Variants in DNAJA3 observed in about 807,000 individuals in gnomAD.
DNAJA3 encodes dnaJ homolog subfamily A member 3, mitochondrial.
A neutral mutation model predicts 54.9 loss-of-function variants in DNAJA3; 29 were observed. That is an observed-to-expected ratio of 0.53 (90% confidence interval 0.39 to 0.72). The LOEUF is 0.72. Ranked by LOEUF, DNAJA3 falls within the 30% of genes least tolerant of loss-of-function variation. The probability of loss-of-function intolerance (pLI) is 0.00; values close to 1 mark genes in which losing one functional copy is unlikely to be tolerated. For missense variants in DNAJA3, 708 were observed against 639.4 expected (o/e 1.11, Z -1.16); for synonymous variants, 302 against 251.4 (o/e 1.20, Z -1.90).
chr16:4,448,951 G>A (rs2056941826), intron 9 of DNAJA3, 103 bp downstream of exon 9: 2 of 786,650 alleles, frequency 2.5e-6, no homozygotes, highest in Non-Finnish European at 4.3e-6. Context: ...TAAGTCAGGT[G>A]GTTCCTGCCC....
intron 1 of DNAJA3, among the ~76,000 whole-genome samples, chr16:4,429,720 G>A (rs1274383587): frequency 6.6e-6 from 1 of 152,124 alleles, no homozygotes; most frequent in African/African-American, 2.4e-5. Flanking sequence ...TGTAAACCCG[G>A]GTACTCGGGA....
Position 4,454,841 on chromosome 16 carries a change from G to T in DNAJA3, c.1370G>T (p.Ser457Ile), listed in dbSNP as rs767656906. ...AGCACCATGGATAGCTCCGCAGGAA[G>T]CAAGGCTAGGCGTGAGGCTGGGGAG... Reference protein sequence around the residue: ...GGSTMDSSAGSKARREAGEDE... With the variant: ...GGSTMDSSAGIKARREAGEDE... The change falls in exon 11 of 12, where the codon AGC becomes ATC. Residue 457 changes from serine (S) to isoleucine (I), a missense_variant. Coordinates refer to ENST00000262375, the MANE Select transcript of DNAJA3 (RefSeq NM_005147.6). 7.4e-6 allele frequency: 12 copies of T among 1,614,072 alleles called. No homozygotes were observed. The South Asian group carries it at 1.1e-4, about 15-fold the overall frequency.
At chr16:4,443,933 G>A (rs557985709) in intron 6 of DNAJA3, among the ~76,000 whole-genome samples, 2 of 152,164 alleles carry the variant, frequency 1.3e-5, no homozygotes, top group Non-Finnish European at 1.5e-5. Context: ...TGATCCACCC[G>A]CCTCGGCTTC....
chr16:4,438,796 G>A (rs2056804673), intron 3 of DNAJA3, among the ~76,000 whole-genome samples: 1 of 151,854 alleles, frequency 6.6e-6, no homozygotes, highest in African/African-American at 2.4e-5. Context: ...CATCCTAAAG[G>A]GGTTCAGTAT....
At chr16:4,452,374 G>A (rs1479691274) in intron 10 of DNAJA3, among the ~76,000 whole-genome samples, 4 of 152,014 alleles carry the variant, frequency 2.6e-5, no homozygotes, top group Non-Finnish European at 4.4e-5. Flanking sequence ...TGCTACGGCC[G>A]GGCCCTGGGT....
At position 4,426,336 on chromosome 16, in the gene DNAJA3, T is replaced by C. The variant is rs141440927; in HGVS notation, c.211+244T>C. On this transcript the variant is annotated intron_variant, in intron 1 of 11. Transcript: ENST00000262375. Reference sequence around the variant, plus strand: ...TGAAACGCCCCGTAGATCGTGAACCTTCACCTCTCTGTCAACATTTCTGGA... The same window carrying C: ...TGAAACGCCCCGTAGATCGTGAACCCTCACCTCTCTGTCAACATTTCTGGA... 4.5e-3 allele frequency among the ~76,000 whole-genome samples: 679 copies of C among 152,310 alleles called. 4 individuals carry two copies. The highest frequency in any genetic ancestry group is 7.9e-3 in the Non-Finnish European group (534 of 68,018).
At chr16:4,444,833 G>A (rs937884912) in intron 7 of DNAJA3, 105 bp downstream of exon 7, 12 of 1,069,630 alleles carry the variant, frequency 1.1e-5, no homozygotes, top group East Asian at 2.6e-5. Flanking sequence ...AACATGTCTC[G>A]CCATTCATGT....
At chr16:4,452,170 T>C (rs1347966562) in intron 10 of DNAJA3, among the ~76,000 whole-genome samples, 4 of 152,192 alleles carry the variant, frequency 2.6e-5, no homozygotes, top group Non-Finnish European at 4.4e-5. Context: ...ACTGTGTATA[T>C]GTATACTATC....
intron 4 of DNAJA3, 102 bp from the exon 5 acceptor site, chr16:4,442,166 T>C: frequency 8.1e-7 from 1 of 1,234,976 alleles, no homozygotes; most frequent in South Asian, 1.8e-5. Context: ...GGTGAAAGAG[T>C]GACTGAAAAT....
chr16:4,434,862 G>A (rs963863703), intron 2 of DNAJA3, among the ~76,000 whole-genome samples: 5 of 144,854 alleles, frequency 3.5e-5, no homozygotes, highest in African/African-American at 1.3e-4. Context: ...AAGTTTAGAG[G>A]TTTAGAATTA....
Position 4,428,521 on chromosome 16 carries a change from G to A in DNAJA3, c.211+2429G>A, listed in dbSNP as rs74752284. Among the ~76,000 whole-genome samples the A allele has an allele frequency of 3.4e-3, 519 of 152,280 alleles. 2 individuals carry two copies. The highest frequency in any genetic ancestry group is 0.012 in the African/African-American group (495 of 41,568). On this transcript the variant is annotated intron_variant, in intron 1 of 11. Transcript: ENST00000262375. ...GTTTTATTAAGCCAAATTTGTTCATGTTCCAGCTGTACAAATTTGGGAGCA... is the reference window on the plus strand; with the variant it reads ...GTTTTATTAAGCCAAATTTGTTCATATTCCAGCTGTACAAATTTGGGAGCA...
At chr16:4,445,712 C>T (rs149376932) in intron 7 of DNAJA3, among the ~76,000 whole-genome samples, 9 of 151,900 alleles carry the variant, frequency 5.9e-5, no homozygotes, top group East Asian at 1.9e-4. Context: ...CCACCAGGCC[C>T]GGCTGACTTT....
At chr16:4,437,552 C>G in intron 3 of DNAJA3, 67 bp downstream of exon 3, 1 of 1,332,476 alleles carries the variant, frequency 7.5e-7, no homozygotes, top group South Asian at 1.2e-5. Flanking sequence ...GGTTGCATTG[C>G]TACCTGGGAC....
At chr16:4,443,289 A>AG in intron 6 of DNAJA3, 125 bp downstream of exon 6, 1 of 1,265,180 alleles carries the variant, frequency 7.9e-7, no homozygotes, top group Non-Finnish European at 1.1e-6. Context: ...GGCTCTTGGT[A>AG]GAAGTTATGG....
chr16:4,452,949 G>A (rs757550326), intron 10 of DNAJA3, among the ~76,000 whole-genome samples: 6 of 152,164 alleles, frequency 3.9e-5, no homozygotes, highest in Non-Finnish European at 8.8e-5. Context: ...CTGCCTGTGG[G>A]TGGTTAAGTC....
At chr16:4,451,593 C>G (rs182979844) in intron 10 of DNAJA3, among the ~76,000 whole-genome samples, 1 of 151,528 alleles carries the variant, frequency 6.6e-6, no homozygotes, top group African/African-American at 2.4e-5. Context: ...CCCATCCCTA[C>G]TAAAAATACA....
intron 3 of DNAJA3, among the ~76,000 whole-genome samples, chr16:4,438,052 C>T (rs898274558): frequency 6.6e-6 from 1 of 152,076 alleles, no homozygotes; most frequent in Non-Finnish European, 1.5e-5. Flanking sequence ...CGTGGTGGCT[C>T]ATGCCTGTAA....
At chr16:4,436,952 C>T (rs2056778666) in intron 2 of DNAJA3, among the ~76,000 whole-genome samples, 1 of 152,076 alleles carries the variant, frequency 6.6e-6, no homozygotes, top group African/African-American at 2.4e-5. Flanking sequence ...GAGATGGATA[C>T]ATTAAAACAG....
chr16:4,443,665 G>T (rs1055024932), intron 6 of DNAJA3, among the ~76,000 whole-genome samples: 2 of 149,804 alleles, frequency 1.3e-5, no homozygotes, highest in African/African-American at 4.9e-5. Context: ...TCCCTAGCTA[G>T]CCTCACACCC....
Sources: gnomAD v4.1 joint callset for allele counts (sites outside exome capture counted in the v4.1 genomes callset) on GRCh38, gnomAD v4.1.1 for gene constraint, MANE v1.5 for transcripts, NCBI Gene and HGNC (gene_info 2026-07-23, HGNC 2026-07-21) for gene names.